The following HPCAL1 variants were observed in gnomAD, a reference collection of about 807,000 sequenced individuals.
HPCAL1 encodes hippocalcin like 1.
A neutral mutation model predicts 17.1 loss-of-function variants in HPCAL1; 8 were observed. That is an observed-to-expected ratio of 0.47 (90% CI 0.27 to 0.84). The LOEUF is 0.84. HPCAL1 is among the 40% of genes least tolerant of loss of function. HPCAL1 has a pLI of 0.13. For synonymous variants in HPCAL1, 112 were observed against 111.4 expected (o/e 1.01, Z -0.03); for missense variants, 165 against 271.1 (o/e 0.61, Z 2.75).
chr2:10,379,384 C>T (rs1667796629), intron 1 of HPCAL1, among the ~76,000 whole-genome samples: 1 of 150,880 alleles, frequency 6.6e-6, no homozygotes, highest in Admixed American at 6.6e-5. Context: ...GGGTGTGGCC[C>T]ATGGGGCTCC....
At position 10,423,049 on chromosome 2, in the gene HPCAL1, A is replaced by T; in HGVS notation, c.445A>T (p.Thr149Ser). The T allele has an allele frequency of 1.9e-6, 3 of 1,613,622 alleles. No individual in the cohort carries two copies. The highest frequency in any genetic ancestry group is 1.7e-5 in the Admixed American group (1 of 60,026). Residue 149 changes from threonine to serine, a missense_variant, in exon 4 of 5, where the codon ACA becomes TCA. Physicochemically the swap from Thr to Ser is moderately conservative, Grantham distance 58. Coordinates refer to ENST00000307845, the MANE Select transcript of HPCAL1 (RefSeq NM_002149.4). ...GGATGAGTCCACCCCGGAGAAGCGC[A>T]CAGACAAGATCTTCAGGCAGATGGA... is the stretch of plus-strand genomic sequence containing the variant. ...PEDESTPEKR[T>S]DKIFRQMDTN... is the part of the protein sequence containing the mutation.
At chr2:10,404,862 G>A (rs949026595) in intron 2 of HPCAL1, among the ~76,000 whole-genome samples, 1 of 152,144 alleles carries the variant, frequency 6.6e-6, no homozygotes, top group African/African-American at 2.4e-5. Flanking sequence ...GCCGCTGCTT[G>A]GGTGTGCCGA....
chr2:10,315,292 C>A (rs76520111), intron 1 of HPCAL1, among the ~76,000 whole-genome samples: 195 of 134,164 alleles, frequency 1.5e-3, no homozygotes, highest in South Asian at 2.1e-3. Context: ...GACTCCGTCT[C>A]AAAAAAAAAA....
chr2:10,350,432 T>C (rs1476038576), intron 1 of HPCAL1, among the ~76,000 whole-genome samples: 1 of 150,898 alleles, frequency 6.6e-6, no homozygotes, highest in Non-Finnish European at 1.5e-5. Flanking sequence ...CACCTCAGCC[T>C]CCTGAGTAGG....
intron 1 of HPCAL1, among the ~76,000 whole-genome samples, chr2:10,353,760 G>T (rs538334167): frequency 3.7e-4 from 57 of 152,214 alleles, no homozygotes; most frequent in African/African-American, 1.3e-3. Context: ...AGTAGACGAG[G>T]TCTCACTATG....
chr2:10,345,504 G>C (rs1380783679), intron 1 of HPCAL1, among the ~76,000 whole-genome samples: 3 of 151,286 alleles, frequency 2.0e-5, no homozygotes, highest in Non-Finnish European at 4.4e-5. Flanking sequence ...TGTCACCCAG[G>C]CTGGAGTGGT....
intron 1 of HPCAL1, among the ~76,000 whole-genome samples, chr2:10,366,414 T>A (rs1376006587): frequency 1.3e-5 from 2 of 152,134 alleles, no homozygotes; most frequent in Non-Finnish European, 1.5e-5. Flanking sequence ...TTTTGTATTT[T>A]TGGTAGAGAC....
chr2:10,317,734 A>G (rs1171556040), intron 1 of HPCAL1, among the ~76,000 whole-genome samples: 1 of 152,178 alleles, frequency 6.6e-6, no homozygotes, highest in Non-Finnish European at 1.5e-5. Flanking sequence ...ATTATTATAT[A>G]TGGTTTGCCA....
intron 1 of HPCAL1, among the ~76,000 whole-genome samples, chr2:10,316,407 C>T (rs548442312): frequency 5.3e-5 from 8 of 152,174 alleles, no homozygotes; most frequent in Non-Finnish European, 1.0e-4. Context: ...AGACTCCTGG[C>T]GATGATCCTT....
At chr2:10,340,873 T>TA (rs1665037570) in intron 1 of HPCAL1, among the ~76,000 whole-genome samples, 1 of 152,202 alleles carries the variant, frequency 6.6e-6, no homozygotes, top group Non-Finnish European at 1.5e-5. Context: ...ACAGCACTCT[T>TA]ATAATCATGC....
In HPCAL1 at chr2:10,411,673, G is replaced by A. The variant is rs1163539676; in HGVS notation, c.-24-8061G>A. 2.0e-5 allele frequency among the ~76,000 whole-genome samples: 3 copies of A among 152,306 alleles called. No individual in the cohort carries two copies. In the East Asian group the frequency reaches 5.8e-4, roughly 29 times the overall value. On this transcript the variant is annotated intron_variant, in intron 2 of 4. Coordinates refer to ENST00000307845, the MANE Select transcript of HPCAL1 (RefSeq NM_002149.4). ...CTGGGGACCGGCATCCCAGTGCTCA[G>A]CCTGGGATTCGGCACTCAGAGGGCC...
At position 10,346,108 on chromosome 2, in the gene HPCAL1, G is replaced by A. The variant is rs115064520; in HGVS notation, c.-111+42931G>A. Among the ~76,000 whole-genome samples, 129 of 152,238 alleles carry A rather than the reference G, an allele frequency of 8.5e-4. 1 individual carries two copies. Among genetic ancestry groups the A allele is most frequent in the African/African-American group, 3.0e-3 (124 of 41,544 alleles). ...TGTGTATGCATGCAAACACTTATGTGCAATGCCTTGGGGTCCTCAGACCCC... is the reference window on the plus strand; with the variant it reads ...TGTGTATGCATGCAAACACTTATGTACAATGCCTTGGGGTCCTCAGACCCC... On this transcript the variant is annotated intron_variant, in intron 1 of 4. Transcript: ENST00000307845.
At position 10,331,579 on chromosome 2, in the gene HPCAL1, C is replaced by A. The variant is rs116771314; in HGVS notation, c.-111+28402C>A. Among the ~76,000 whole-genome samples, 1,224 of 152,308 alleles carry A rather than the reference C, an allele frequency of 8.0e-3. 21 individuals are homozygous for A. Among genetic ancestry groups the A allele is most frequent in the African/African-American group, 0.027 (1,143 of 41,564 alleles). On this transcript the variant is annotated intron_variant, in intron 1 of 4. Coordinates refer to ENST00000307845, the MANE Select transcript of HPCAL1 (RefSeq NM_002149.4). The surrounding 1 kb of genome is among the most constrained non-coding windows in gnomAD (Gnocchi z 5.0). The stretch of plus-strand genomic sequence containing the variant: ...CAAGCGCTGGCTGGTGGTGGAGCTG[C>A]GCTGAAGTCAGTGTGTGCTTTGGGC...
chr2:10,327,899 A>C (rs187702932), intron 1 of HPCAL1, among the ~76,000 whole-genome samples: 56 of 152,398 alleles, frequency 3.7e-4, no homozygotes, highest in Admixed American at 7.8e-4. Flanking sequence ...ATTTATGGTT[A>C]GCCCCGGATC....
chr2:10,351,470 T>A (rs1665837102), intron 1 of HPCAL1, among the ~76,000 whole-genome samples: 1 of 152,066 alleles, frequency 6.6e-6, no homozygotes, highest in South Asian at 2.1e-4. Flanking sequence ...AAGATAAAAA[T>A]GTTCTGGTCA....
chr2:10,360,127 G>C (rs1391697113), intron 1 of HPCAL1, among the ~76,000 whole-genome samples: 1 of 152,204 alleles, frequency 6.6e-6, no homozygotes, highest in African/African-American at 2.4e-5. Flanking sequence ...CATTCCCCCT[G>C]GGTAGAGCGT....
chr2:10,396,711 T>G (rs1669053751), intron 1 of HPCAL1, 124 bp from the exon 2 acceptor site: 4 of 152,282 alleles, frequency 2.6e-5, no homozygotes, highest in Non-Finnish European at 1.5e-5. Context: ...GCTTTCTGTA[T>G]GTAGCATGGC....
chr2:10,425,708 T>G (rs1477852831), intron 4 of HPCAL1: 1 of 152,142 alleles, frequency 6.6e-6, no homozygotes, highest in Non-Finnish European at 1.5e-5. Context: ...TCCCCTGTGC[T>G]GGGCCTGGCT....
intron 1 of HPCAL1, among the ~76,000 whole-genome samples, chr2:10,311,616 G>T (rs185406813): frequency 1.1e-4 from 16 of 152,176 alleles, no homozygotes; most frequent in Admixed American, 2.6e-4. Flanking sequence ...GGATGGGAGT[G>T]GGGGGAGAAG....
Sources: allele counts gnomAD v4.1 joint callset (sites outside exome capture counted in the v4.1 genomes callset), GRCh38; gene constraint gnomAD v4.1.1; non-coding constraint Gnocchi (gnomAD v3.1); transcripts MANE v1.5; gene names NCBI Gene and HGNC (gene_info 2026-07-23, HGNC 2026-07-21).